CCDC138: variants seen among roughly 807,000 people sequenced by gnomAD.
CCDC138 encodes coiled-coil domain containing 138.
Under a neutral mutation model 82.3 loss-of-function variants are expected in CCDC138, and 66 were observed. That is an observed-to-expected ratio of 0.80 (90% CI 0.66 to 0.98). The LOEUF (loss-of-function observed/expected upper bound fraction) is 0.98. Among genes scored for constraint, CCDC138 ranks in the 50% least tolerant of loss-of-function variants. The probability of loss-of-function intolerance (pLI) is 0.00; values close to 1 mark genes in which losing one functional copy is unlikely to be tolerated. For missense variants in CCDC138, 816 were observed against 758.9 expected (o/e 1.08, Z -0.88); for synonymous variants, 297 against 265.4 (o/e 1.12, Z -1.16).
intron 7 of CCDC138, among the ~76,000 whole-genome samples, chr2:108,812,359 A>G (rs1684015279): frequency 6.6e-6 from 1 of 152,200 alleles, no homozygotes; most frequent in Admixed American, 6.5e-5. Flanking sequence ...ACTTATTAAT[A>G]AAAACATTTT....
chr2:108,873,738 G>A (rs1456845937), intron 14 of CCDC138, 149 bp downstream of exon 14: 9 of 546,404 alleles, frequency 1.6e-5, no homozygotes, highest in African/African-American at 3.8e-5. Context: ...TAACACTAAC[G>A]ATAGCTGATG....
intron 10 of CCDC138, among the ~76,000 whole-genome samples, chr2:108,833,103 G>A (rs1213550622): frequency 6.6e-6 from 1 of 152,178 alleles, no homozygotes; most frequent in African/African-American, 2.4e-5. Flanking sequence ...AGCTGCCAGG[G>A]GTTCTGAGAA....
intron 13 of CCDC138, among the ~76,000 whole-genome samples, chr2:108,870,328 GA>G (rs1233663693): frequency 1.3e-5 from 2 of 152,012 alleles, no homozygotes; most frequent in Admixed American, 6.6e-5. Context: ...CAAAATCAAA[GA>G]AAAAAGAAAA....
At chr2:108,867,770 A>C (rs1218930230) in intron 13 of CCDC138, among the ~76,000 whole-genome samples, 5 of 152,104 alleles carry the variant, frequency 3.3e-5, no homozygotes, top group Non-Finnish European at 5.9e-5. Flanking sequence ...GGGCAACTGA[A>C]GGTTTTTGGT....
At chr2:108,854,229 T>C (rs1369562604) in intron 12 of CCDC138, among the ~76,000 whole-genome samples, 1 of 150,344 alleles carries the variant, frequency 6.7e-6, no homozygotes, top group Admixed American at 6.7e-5. Flanking sequence ...GCTTATACTT[T>C]AGGTCTAGAG....
At chr2:108,850,400 A>G (rs1418450289) in intron 12 of CCDC138, among the ~76,000 whole-genome samples, 1 of 152,110 alleles carries the variant, frequency 6.6e-6, no homozygotes, top group East Asian at 1.9e-4. Flanking sequence ...TATTGAATAG[A>G]CTGTTCATAT....
In CCDC138 at chr2:108,786,827, A is replaced by C; in HGVS notation, c.5A>C (p.Glu2Ala). The C allele has an allele frequency of 6.3e-7, 1 of 1,589,406 alleles. No homozygotes were observed. Among genetic ancestry groups the C allele is most frequent in the East Asian group, 2.3e-5 (1 of 43,500 alleles). The change falls in exon 1 of 15, where the codon GAG (glutamate) becomes GCG (alanine). Residue 2 changes from glutamate to alanine, a missense_variant. Glu to Ala is a moderately radical substitution (Grantham distance 107). Transcript: ENST00000295124. ...CTGGTACGGTTGCTGTGTGCTATGG[A>C]GCCGAGGGTCGTCAAGCCACCGGGG... M[E>A]PRVVKPPGQD...
At position 108,809,100 on chromosome 2, in the gene CCDC138, A is replaced by C. The variant is rs920209997; in HGVS notation, c.856-3531A>C. Among the ~76,000 whole-genome samples the C allele has an allele frequency of 2.0e-5, 3 of 152,026 alleles. No homozygotes were observed. The East Asian group carries it at 5.8e-4, about 29-fold the overall frequency. On this transcript the variant is annotated intron_variant, in intron 7 of 14. Coordinates refer to ENST00000295124, the MANE Select transcript of CCDC138 (RefSeq NM_144978.3). Reference sequence around the variant, plus strand: ...CATCTCCCTTATTAATGTTGTTGGCACCTTTGTAGAAAATCAGTTGGCTGT... The same window carrying C: ...CATCTCCCTTATTAATGTTGTTGGCCCCTTTGTAGAAAATCAGTTGGCTGT...
chr2:108,823,343 A>G (rs566269260), intron 10 of CCDC138, among the ~76,000 whole-genome samples: 39 of 152,370 alleles, frequency 2.6e-4, no homozygotes, highest in African/African-American at 6.5e-4. Flanking sequence ...ATAAAAAACT[A>G]TTGACTAATA....
At chr2:108,819,394 G>A (rs1295225765) in intron 10 of CCDC138, among the ~76,000 whole-genome samples, 2 of 152,158 alleles carry the variant, frequency 1.3e-5, no homozygotes, top group African/African-American at 4.8e-5. Context: ...TCCAAAGTCT[G>A]CCCACAGGAC....
intron 13 of CCDC138, among the ~76,000 whole-genome samples, chr2:108,871,038 A>G (rs922136456): frequency 1.3e-5 from 2 of 152,194 alleles, no homozygotes; most frequent in African/African-American, 4.8e-5. Flanking sequence ...AATGAACCTC[A>G]TTATTTAGAA....
At chr2:108,873,148 T>A (rs1036217691) in intron 13 of CCDC138, among the ~76,000 whole-genome samples, 7 of 152,204 alleles carry the variant, frequency 4.6e-5, no homozygotes, top group African/African-American at 1.7e-4. Context: ...CTGAACTTAT[T>A]GTTACGAACT....
chr2:108,854,039 TATATA>T (rs1553429976), intron 12 of CCDC138, among the ~76,000 whole-genome samples: 1 of 56,156 alleles, frequency 1.8e-5, no homozygotes, highest in Non-Finnish European at 3.7e-5. Context: ...TTATATATAA[TATATA>T]ATAAATTTAT....
Position 108,846,948 on chromosome 2 carries a change from C to G in CCDC138, c.1516+18C>G. On this transcript the variant is annotated intron_variant, in intron 12 of 14. Coordinates refer to ENST00000295124, the MANE Select transcript of CCDC138 (RefSeq NM_144978.3). ...CACTCAAGGTAAGCTTTCAATTGTA[C>G]TTATGGTTAATTTTGAGAAACAATA... 7.4e-7 allele frequency: 1 copy of G among 1,355,518 alleles called. No individual in the cohort carries two copies. The highest frequency in any genetic ancestry group is 1.2e-5 in the South Asian group (1 of 82,024). The allele number at this position is 1,355,518 out of a possible 1,614,324, so 84.0% of individuals were successfully genotyped here.
At chr2:108,808,295 A>C (rs982032516) in intron 7 of CCDC138, among the ~76,000 whole-genome samples, 2 of 151,816 alleles carry the variant, frequency 1.3e-5, no homozygotes, top group Non-Finnish European at 3.0e-5. Flanking sequence ...TACTTTGGCT[A>C]TTGCAAATAC....
At chr2:108,868,124 A>G (rs181068471) in intron 13 of CCDC138, among the ~76,000 whole-genome samples, 141 of 152,266 alleles carry the variant, frequency 9.3e-4, no homozygotes, top group African/African-American at 3.2e-3. Context: ...TTAAAAATGT[A>G]TAACCGCTAT....
At chr2:108,839,367 T>A in intron 11 of CCDC138, 66 bp downstream of exon 11, 2 of 1,306,714 alleles carry the variant, frequency 1.5e-6, no homozygotes, top group Non-Finnish European at 2.1e-6. Flanking sequence ...TGATCTTGTT[T>A]CACAATATCT....
At chr2:108,787,198 A>T (rs1172978188) in intron 1 of CCDC138, among the ~76,000 whole-genome samples, 5 of 152,152 alleles carry the variant, frequency 3.3e-5, no homozygotes, top group Non-Finnish European at 7.4e-5. Flanking sequence ...CAGTGATGTG[A>T]GTGGAGTTGT....
chr2:108,859,381 A>G (rs574120923), intron 13 of CCDC138, among the ~76,000 whole-genome samples: 10 of 152,188 alleles, frequency 6.6e-5, no homozygotes, highest in African/African-American at 1.9e-4. Context: ...TTCTTTTGCT[A>G]TGCTGAAGCT....
Sources: gnomAD v4.1 joint callset for allele counts (sites outside exome capture counted in the v4.1 genomes callset) on GRCh38, gnomAD v4.1.1 for gene constraint, MANE v1.5 for transcripts, NCBI Gene and HGNC (gene_info 2026-07-23, HGNC 2026-07-21) for gene names.